ATXN7L1: variants seen among roughly 807,000 people sequenced by gnomAD.
ATXN7L1 encodes the protein ataxin 7 like 1, also known as ataxin-7-like protein 1.
ATXN7L1 carries 15 observed loss-of-function variants against 70.8 expected under a neutral mutation model. That is an observed-to-expected ratio of 0.21 (90% confidence interval 0.14 to 0.33). The LOEUF (loss-of-function observed/expected upper bound fraction) is 0.33, where lower values mean the gene tolerates loss of function less well. ATXN7L1 is among the 10% of genes least tolerant of loss of function. The probability of loss-of-function intolerance (pLI) is 1.00; values close to 1 mark genes in which losing one functional copy is unlikely to be tolerated. For synonymous variants in ATXN7L1, 440 were observed against 445.1 expected (o/e 0.99, Z 0.14); for missense variants, 975 against 1,097.1 (o/e 0.89, Z 1.57).
chr7:105,670,455 T>A (rs1231553395), intron 3 of ATXN7L1, among the ~76,000 whole-genome samples: 1 of 152,208 alleles, frequency 6.6e-6, no homozygotes, highest in African/African-American at 2.4e-5. Context: ...TTCCTCTAAA[T>A]TTTCTTAGTC....
At chr7:105,735,244 G>C (rs1264677943) in intron 3 of ATXN7L1, among the ~76,000 whole-genome samples, 2 of 152,076 alleles carry the variant, frequency 1.3e-5, no homozygotes, top group Admixed American at 6.6e-5. Context: ...TACTAGCTCA[G>C]CCAGGCATTG....
chr7:105,637,335 C>T (rs758310882), intron 7 of ATXN7L1, among the ~76,000 whole-genome samples: 6 of 152,184 alleles, frequency 3.9e-5, no homozygotes, highest in South Asian at 2.1e-4. Flanking sequence ...CCTTCTTTTA[C>T]GACTATGTCC....
At chr7:105,872,154 G>A (rs544150396) in intron 2 of ATXN7L1, among the ~76,000 whole-genome samples, 26 of 152,128 alleles carry the variant, frequency 1.7e-4, no homozygotes, top group African/African-American at 4.3e-4. Flanking sequence ...CACCACGCCC[G>A]GCTAATTTTT....
chr7:105,688,145 A>G (rs1199966347), intron 3 of ATXN7L1, among the ~76,000 whole-genome samples: 1 of 152,020 alleles, frequency 6.6e-6, no homozygotes, highest in Non-Finnish European at 1.5e-5. Context: ...AATCATCACA[A>G]CCAGATACAT....
At chr7:105,684,501 T>C (rs536351945) in intron 3 of ATXN7L1, among the ~76,000 whole-genome samples, 4 of 152,240 alleles carry the variant, frequency 2.6e-5, no homozygotes, top group Non-Finnish European at 4.4e-5. Context: ...AGATCCAATC[T>C]AGATTTTTTA....
chr7:105,777,887 T>G (rs1460299025), intron 3 of ATXN7L1, among the ~76,000 whole-genome samples: 1 of 152,232 alleles, frequency 6.6e-6, no homozygotes, highest in African/African-American at 2.4e-5. Flanking sequence ...TCTGAAGCCC[T>G]CAAATGTGCC....
chr7:105,667,426 G>A lies in ATXN7L1; in HGVS notation c.356-2138C>T, dbSNP rs1487456631. Among the ~76,000 whole-genome samples, 36 of 98,190 alleles carry A rather than the reference G, an allele frequency of 3.7e-4. 10 individuals carry two copies. Among genetic ancestry groups the A allele is most frequent in the Admixed American group, 3.5e-3 (30 of 8,608 alleles). The allele number at this position is 98,190 out of a possible 152,430, so 64.4% of individuals were successfully genotyped here. A position where few individuals can be genotyped will look rare whatever the true frequency, so the allele number is the denominator to read the frequency against. ...CTTAAAAGTCAACTAGTGGCCGGGC[G>A]CGGTGGCTCACGCCTGTAATCCCAG... On this transcript the variant is annotated intron_variant, in intron 3 of 11. Transcript: ENST00000419735.
rs569288639 is a variant in ATXN7L1 at position 105,810,458 on chromosome 7, AAAAC to A, written c.251-21754_251-21751del. On this transcript the variant is annotated intron_variant, in intron 2 of 11. Transcript: ENST00000419735. ...TATAGAAAGGGTAAAGTGTTATAAA[AAAAC>A]AAACAAACAAAACACTGGTGCTGGG... Among the ~76,000 whole-genome samples the A allele has an allele frequency of 1.7e-4, 26 of 152,366 alleles. No homozygotes were observed. In the South Asian group the frequency reaches 3.9e-3, roughly 23 times the overall value.
At chr7:105,650,869 A>G (rs1259513868) in intron 4 of ATXN7L1, among the ~76,000 whole-genome samples, 2 of 152,252 alleles carry the variant, frequency 1.3e-5, no homozygotes, top group Admixed American at 6.5e-5. Context: ...CAGGGAGAAC[A>G]AGTATGACTG....
At chr7:105,780,324 T>G (rs1012414388) in intron 3 of ATXN7L1, among the ~76,000 whole-genome samples, 8 of 152,148 alleles carry the variant, frequency 5.3e-5, no homozygotes, top group Admixed American at 4.6e-4. Flanking sequence ...CATGCCTCAC[T>G]CCAGGGGTGA....
chr7:105,853,981 G>C (rs1356254939), intron 2 of ATXN7L1, among the ~76,000 whole-genome samples: 2 of 152,046 alleles, frequency 1.3e-5, no homozygotes, highest in Admixed American at 1.3e-4. Context: ...AACATCTGTG[G>C]ACACGCGGCG....
At chr7:105,874,679 CA>C (rs1286745179) in intron 2 of ATXN7L1, among the ~76,000 whole-genome samples, 1 of 152,186 alleles carries the variant, frequency 6.6e-6, no homozygotes, top group Non-Finnish European at 1.5e-5. Flanking sequence ...TTCTGAAGCA[CA>C]AAATTTCCTC....
chr7:105,611,447 T>C (rs1313905141), intron 10 of ATXN7L1, among the ~76,000 whole-genome samples: 1 of 152,218 alleles, frequency 6.6e-6, no homozygotes, highest in African/African-American at 2.4e-5. Context: ...TCTTGGCTCA[T>C]TGCAACCTCT....
chr7:105,851,350 G>A (rs1360609372), intron 2 of ATXN7L1, among the ~76,000 whole-genome samples: 3 of 152,176 alleles, frequency 2.0e-5, no homozygotes, highest in Non-Finnish European at 4.4e-5. Context: ...CTGCACCATC[G>A]AGTTCCTCGA....
chr7:105,843,988 T>G (rs1813601002), intron 2 of ATXN7L1, among the ~76,000 whole-genome samples: 1 of 152,234 alleles, frequency 6.6e-6, no homozygotes, highest in African/African-American at 2.4e-5. Flanking sequence ...GTAGATCTAC[T>G]GAGCTGGATG....
intron 5 of ATXN7L1, among the ~76,000 whole-genome samples, chr7:105,640,173 C>T (rs148503285): frequency 3.3e-5 from 5 of 152,320 alleles, no homozygotes; most frequent in Non-Finnish European, 7.3e-5. Context: ...ACACCATTTA[C>T]CTGATTGAGG....
intron 4 of ATXN7L1, among the ~76,000 whole-genome samples, chr7:105,654,123 C>T (rs1435194360): frequency 1.3e-5 from 2 of 152,060 alleles, no homozygotes; most frequent in East Asian, 1.9e-4. Context: ...AGGAAGGGCT[C>T]GATAAATGTT....
At chr7:105,633,678 A>G (rs766485422) in intron 7 of ATXN7L1, among the ~76,000 whole-genome samples, 60 of 152,158 alleles carry the variant, frequency 3.9e-4, no homozygotes, top group Non-Finnish European at 7.6e-4. Context: ...CGAGATCAAG[A>G]CACTGCTCTC....
intron 3 of ATXN7L1, among the ~76,000 whole-genome samples, chr7:105,785,164 T>C (rs2116472909): frequency 6.6e-6 from 1 of 152,300 alleles, no homozygotes; most frequent in South Asian, 2.1e-4. Flanking sequence ...TTGAAAAGAT[T>C]ACATGCTCAA....
Sources: allele counts gnomAD v4.1 joint callset (sites outside exome capture counted in the v4.1 genomes callset), GRCh38; gene constraint gnomAD v4.1.1; transcripts MANE v1.5; gene names NCBI Gene and HGNC (gene_info 2026-07-23, HGNC 2026-07-21).